The following PLA2R1 variants were observed in gnomAD, a reference collection of about 807,000 sequenced individuals.
PLA2R1 encodes phospholipase A2 receptor 1.
A neutral mutation model predicts 195.9 loss-of-function variants in PLA2R1; 158 were observed. The observed-to-expected ratio is 0.81, with a 90% CI of 0.71 to 0.92. PLA2R1 has a LOEUF of 0.92. Among genes scored for constraint, PLA2R1 ranks in the 40% least tolerant of loss-of-function variants. The pLI, the probability that PLA2R1 is intolerant of heterozygous loss-of-function variation, is 0.00. For synonymous variants in PLA2R1, 586 were observed against 598.2 expected, an observed-to-expected ratio of 0.98 and a Z score of 0.30; for missense variants, 1,626 against 1,764.6, an observed-to-expected ratio of 0.92 and a Z score of 1.41.
At chr2:159,950,597 G>C (rs1181527247) in intron 24 of PLA2R1, among the ~76,000 whole-genome samples, 1 of 152,166 alleles carries the variant, frequency 6.6e-6, no homozygotes, top group African/African-American at 2.4e-5. Context: ...TTTATGTGCT[G>C]ACATGTGAAG....
chr2:159,982,803 T>TAA (rs1690048314), intron 13 of PLA2R1, among the ~76,000 whole-genome samples: 1 of 152,214 alleles, frequency 6.6e-6, no homozygotes, highest in Non-Finnish European at 1.5e-5. Flanking sequence ...AGGCCAGTGT[T>TAA]TCATTGAGAC....
At chr2:159,958,850 C>G (rs779754910) in intron 20 of PLA2R1, among the ~76,000 whole-genome samples, 2 of 152,086 alleles carry the variant, frequency 1.3e-5, no homozygotes, top group African/African-American at 4.8e-5. Flanking sequence ...GTCAGTCTTT[C>G]AAAAGAAAGA....
chr2:160,058,687 C>T (rs558885913), intron 1 of PLA2R1, among the ~76,000 whole-genome samples: 58 of 152,216 alleles, frequency 3.8e-4, no homozygotes, highest in Admixed American at 6.5e-4. Context: ...GTTAGTGTGT[C>T]TTAGCACTTG....
chr2:160,044,830 T>G lies in PLA2R1; in HGVS notation c.437A>C (p.His146Pro). The G allele has an allele frequency of 6.2e-7, 1 of 1,613,906 alleles. No individual in the cohort carries two copies. The highest frequency in any genetic ancestry group is 1.1e-5 in the South Asian group (1 of 91,074). The part of the protein sequence containing the change: ...NTVVASRKYI[H>P]KWISYGSGGG... The stretch of plus-strand genomic sequence containing the variant: ...ACCTGACCCATAAGAAATCCACTTA[T>G]GAATATACTTCCGTGAGGCCACCAC... The change falls in exon 2 of 30, where the codon CAT (histidine) becomes CCT (proline). Residue 146 changes from histidine to proline, a missense_variant. Transcript: ENST00000283243.
chr2:159,924,746 G>A, the PLA2R1 span, among the ~76,000 whole-genome samples: 3 of 150,148 alleles, frequency 2.0e-5, no homozygotes, highest in African/African-American at 7.4e-5. Context: ...GGGGCGGTGC[G>A]AACAAAAATA....
At position 160,062,521 on chromosome 2, in the gene PLA2R1, C is replaced by T. The variant is rs544854585; in HGVS notation, c.-118G>A. 1 of 1,271,218 alleles carries T rather than the reference C, an allele frequency of 7.9e-7. No homozygotes were observed. The highest frequency in any genetic ancestry group is 6.1e-5 in the Admixed American group (1 of 16,334). 78.7% of individuals were successfully genotyped at this position (1,271,218 alleles called of 1,614,324 possible). A position where few individuals can be genotyped will look rare whatever the true frequency, so the allele number is the denominator to read the frequency against. On this transcript the variant is annotated 5_prime_UTR_variant, in exon 1 of 30. Coordinates refer to ENST00000283243, the MANE Select transcript of PLA2R1 (RefSeq NM_007366.5). ...GCGGAAGCGGATCCGTAGCCTCCTC[C>T]GCGCCCCACCCCCTCCGGGGGCCTT...
In PLA2R1 at chr2:159,935,428, G is replaced by A. The variant is rs1175952927; in HGVS notation, c.*6350C>T. ...ATCAATTGGAATTTACTGGGGAGAA[G>A]AACTGTTTCTTCTTTTCATTCATTC... On this transcript the variant is annotated 3_prime_UTR_variant, in exon 30 of 30. Coordinates refer to ENST00000283243, the MANE Select transcript of PLA2R1 (RefSeq NM_007366.5). 1 of 152,214 alleles carries A rather than the reference G, an allele frequency of 6.6e-6. No homozygotes were observed. The highest frequency in any genetic ancestry group is 1.5e-5 in the Non-Finnish European group (1 of 68,034). The allele number at this position is 152,214 out of a possible 1,614,324, so 9.4% of individuals were successfully genotyped here.
chr2:160,052,691 C>T (rs758179992), intron 1 of PLA2R1, among the ~76,000 whole-genome samples: 1 of 152,100 alleles, frequency 6.6e-6, no homozygotes, highest in Non-Finnish European at 1.5e-5. Context: ...TGTTAAGATG[C>T]CCTCACAAAT....
chr2:160,034,939 C>G (rs960628977), intron 3 of PLA2R1, among the ~76,000 whole-genome samples: 1 of 152,146 alleles, frequency 6.6e-6, no homozygotes, highest in African/African-American at 2.4e-5. Context: ...AATTCGACAC[C>G]TGACCTCGTG....
intron 8 of PLA2R1, among the ~76,000 whole-genome samples, chr2:160,017,738 G>A (rs1162849510): frequency 3.3e-5 from 5 of 152,036 alleles, no homozygotes; most frequent in Admixed American, 3.3e-4. Context: ...ACACAAATCA[G>A]AACCTTAGGC....
chr2:160,062,167 AC>A, intron 1 of PLA2R1, 127 bp downstream of exon 1: 1 of 640,662 alleles, frequency 1.6e-6, no homozygotes, highest in Admixed American at 3.3e-5. Context: ...TGACACACGA[AC>A]CCCTACAAAC....
intron 11 of PLA2R1, among the ~76,000 whole-genome samples, chr2:160,002,334 T>C (rs150235003): frequency 2.0e-5 from 3 of 152,148 alleles, no homozygotes; most frequent in East Asian, 3.9e-4. Context: ...AGTAGTCTTA[T>C]AAGCATTACA....
At chr2:160,043,434 A>G (rs1694671812) in intron 2 of PLA2R1, among the ~76,000 whole-genome samples, 1 of 152,142 alleles carries the variant, frequency 6.6e-6, no homozygotes. Context: ...AAAACTTTTC[A>G]TGACTCAACT....
chr2:160,008,909 C>T (rs1692169398), intron 10 of PLA2R1, among the ~76,000 whole-genome samples: 1 of 152,056 alleles, frequency 6.6e-6, no homozygotes, highest in Admixed American at 6.6e-5. Context: ...GACATTTCTC[C>T]AAAGAAGATA....
chr2:159,967,646 T>C lies in PLA2R1; in HGVS notation c.2797A>G (p.Met933Val), dbSNP rs750227089. ...TTTTTTCGCTTACAGATACTAGGCA[T>C]AGAAACTGAACACTCTTCACTACCC... Reference protein sequence around the residue: ...LWGSEECSVSMPSICKRKKVW... With the variant: ...LWGSEECSVSVPSICKRKKVW... Residue 933 changes from methionine (M) to valine (V), a missense_variant, in exon 20 of 30, where the codon ATG becomes GTG. Physicochemically the swap from Met to Val is conservative, Grantham distance 21. Coordinates refer to ENST00000283243, the MANE Select transcript of PLA2R1 (RefSeq NM_007366.5). 39 of 1,613,762 alleles carry C rather than the reference T, an allele frequency of 2.4e-5. No homozygotes were observed. In the South Asian group the frequency reaches 3.7e-4, roughly 15 times the overall value.
chr2:159,954,225 A>G (rs1687941571), intron 23 of PLA2R1, among the ~76,000 whole-genome samples: 1 of 152,124 alleles, frequency 6.6e-6, no homozygotes, highest in Non-Finnish European at 1.5e-5. Flanking sequence ...ATTTTGTGGC[A>G]TACCGCGCAT....
chr2:160,026,197 A>G (rs935911320), intron 6 of PLA2R1, among the ~76,000 whole-genome samples: 1 of 152,248 alleles, frequency 6.6e-6, no homozygotes, highest in South Asian at 2.1e-4. Flanking sequence ...ACAAAACCAA[A>G]GAAGTAAAGA....
chr2:159,956,788 A>C (rs1426704748), intron 20 of PLA2R1, among the ~76,000 whole-genome samples, 161 bp from the exon 21 acceptor site: 1 of 152,206 alleles, frequency 6.6e-6, no homozygotes, highest in Non-Finnish European at 1.5e-5. Flanking sequence ...GTTACAGTAA[A>C]ACAAAGAGGA....
intron 2 of PLA2R1, 24 bp from the exon 3 acceptor site, chr2:160,042,222 T>G: frequency 6.2e-7 from 1 of 1,601,740 alleles, no homozygotes; most frequent in Non-Finnish European, 8.5e-7. Flanking sequence ...ATGTACAAAG[T>G]CAGATAAGTA....
Sources: gnomAD v4.1 joint callset for allele counts (sites outside exome capture counted in the v4.1 genomes callset) on GRCh38, gnomAD v4.1.1 for gene constraint, MANE v1.5 for transcripts, NCBI Gene and HGNC (gene_info 2026-07-23, HGNC 2026-07-21) for gene names.